TTC7B: variants seen among roughly 807,000 people sequenced by gnomAD.
TTC7B encodes the protein tetratricopeptide repeat protein 7B.
In TTC7B, 28 loss-of-function variants were observed where a neutral mutation model predicts 106.8. That is an observed-to-expected ratio of 0.26 (90% confidence interval 0.19 to 0.36). TTC7B has a LOEUF of 0.36. Among genes scored for constraint, TTC7B ranks in the 10% least tolerant of loss-of-function variants. The pLI is 1.00. For synonymous variants in TTC7B, 405 were observed against 430.6 expected, an observed-to-expected ratio of 0.94 and a Z score of 0.74; for missense variants, 862 against 1,076.4, an observed-to-expected ratio of 0.80 and a Z score of 2.79.
intron 13 of TTC7B, among the ~76,000 whole-genome samples, chr14:90,650,234 G>A (rs113868828): frequency 3.7e-4 from 57 of 152,342 alleles, no homozygotes; most frequent in African/African-American, 1.3e-3. Context: ...GCCAGCAAAT[G>A]AGAGAAAGCC....
intron 6 of TTC7B, among the ~76,000 whole-genome samples, chr14:90,692,210 T>A (rs905722731): frequency 1.3e-5 from 2 of 152,190 alleles, no homozygotes; most frequent in African/African-American, 4.8e-5. Context: ...CATCTGTGGT[T>A]TTTTTTGTTT....
intron 7 of TTC7B, among the ~76,000 whole-genome samples, chr14:90,687,913 A>G (rs974410889): frequency 6.6e-6 from 1 of 152,232 alleles, no homozygotes; most frequent in Non-Finnish European, 1.5e-5. Flanking sequence ...GCAAGGGTCA[A>G]CTTAAGAGGA....
At chr14:90,735,564 A>G (rs1159763695) in intron 4 of TTC7B, among the ~76,000 whole-genome samples, 3 of 148,648 alleles carry the variant, frequency 2.0e-5, no homozygotes, top group African/African-American at 7.5e-5. Context: ...ATCTGAGAAT[A>G]AAACCACCTA....
intron 19 of TTC7B, chr14:90,567,438 G>A (rs945593245): frequency 3.3e-5 from 5 of 152,182 alleles, no homozygotes; most frequent in Non-Finnish European, 7.3e-5. Context: ...AAGCTCAGTG[G>A]ATGCTGCATG....
intron 16 of TTC7B, among the ~76,000 whole-genome samples, chr14:90,612,612 A>G (rs1892919934): frequency 6.6e-6 from 1 of 152,210 alleles, no homozygotes; most frequent in Non-Finnish European, 1.5e-5. Context: ...ACTAATGAGG[A>G]GGTCACTTTG....
At chr14:90,561,400 G>A (rs1566770736) in intron 19 of TTC7B, among the ~76,000 whole-genome samples, 1 of 152,204 alleles carries the variant, frequency 6.6e-6, no homozygotes, top group East Asian at 1.9e-4. Context: ...TGGGCTTGGG[G>A]TCACCCACTG....
chr14:90,687,920 A>G (rs1256080343), intron 7 of TTC7B, among the ~76,000 whole-genome samples: 1 of 152,232 alleles, frequency 6.6e-6, no homozygotes, highest in Admixed American at 6.5e-5. Flanking sequence ...TCAACTTAAG[A>G]GGATTATTAA....
chr14:90,734,561 A>G (rs1009897048), intron 4 of TTC7B, among the ~76,000 whole-genome samples: 10 of 152,144 alleles, frequency 6.6e-5, no homozygotes, highest in African/African-American at 2.4e-4. Context: ...AGTATTATGG[A>G]CAATAAACAC....
Position 90,767,920 on chromosome 14 carries a change from A to G in TTC7B, c.445+12818T>C, listed in dbSNP as rs377537074. 5.9e-5 allele frequency among the ~76,000 whole-genome samples: 9 copies of G among 152,368 alleles called. No individual in the cohort carries two copies. The East Asian group carries it at 1.5e-3, about 26-fold the overall frequency. The stretch of plus-strand genomic sequence containing the variant: ...ATATTAAGTGAAAAGTACAATTATC[A>G]TTTATTGTACTTTTTCAGCTCCAGA... On this transcript the variant is annotated intron_variant, in intron 3 of 19. Transcript: ENST00000328459.
chr14:90,552,679 A>G lies in TTC7B; in HGVS notation c.2311-11090T>C, dbSNP rs988312801. ...TACCTGCAGTGTGGCTCCTGGGGAC[A>G]TGCTGCCTTAAGAAGGGCGTCCTTC... On this transcript the variant is annotated intron_variant, in intron 19 of 19. Coordinates refer to ENST00000328459, the MANE Select transcript of TTC7B (RefSeq NM_001010854.2). Among the ~76,000 whole-genome samples, 4 of 152,222 alleles carry G rather than the reference A, an allele frequency of 2.6e-5. No individual in the cohort carries two copies. In the East Asian group the frequency reaches 7.7e-4, roughly 29 times the overall value.
intron 1 of TTC7B, among the ~76,000 whole-genome samples, chr14:90,797,861 C>T (rs1400960937): frequency 6.6e-6 from 1 of 152,122 alleles, no homozygotes; most frequent in East Asian, 1.9e-4. Context: ...AGTTATGGTG[C>T]ACCCCATGCA....
intron 1 of TTC7B, among the ~76,000 whole-genome samples, chr14:90,793,134 C>T (rs1373769896): frequency 1.3e-5 from 2 of 152,084 alleles, no homozygotes; most frequent in African/African-American, 2.4e-5. Flanking sequence ...TCTTGTTTGC[C>T]GCCTTCTGAA....
intron 17 of TTC7B, among the ~76,000 whole-genome samples, chr14:90,606,091 GCTTTTCAACTGGAAAGGGTTAGGA>G (rs1274996702): frequency 6.6e-6 from 1 of 152,166 alleles, no homozygotes; most frequent in Non-Finnish European, 1.5e-5. Flanking sequence ...GAAGCAATTT[GCTTTTCAACTGGAAAGGGTTAGGA>G]CTTGACTTTA....
At chr14:90,605,620 C>T (rs1892605338) in intron 17 of TTC7B, 33 of 1,286,106 alleles carry the variant, frequency 2.6e-5, no homozygotes, top group Non-Finnish European at 3.1e-5. Flanking sequence ...CCGGCGGGGA[C>T]CTGCGTCACT....
chr14:90,680,406 T>C, intron 8 of TTC7B, 66 bp downstream of exon 8: 1 of 1,190,260 alleles, frequency 8.4e-7, no homozygotes, highest in Non-Finnish European at 1.2e-6. Context: ...ACTGGCAGAA[T>C]GGCTATATCA....
At chr14:90,640,164 A>G (rs1885112837) in intron 15 of TTC7B, among the ~76,000 whole-genome samples, 1 of 152,110 alleles carries the variant, frequency 6.6e-6, no homozygotes, top group African/African-American at 2.4e-5. Context: ...CTGTGCTCCC[A>G]GCTACTCGGG....
At chr14:90,691,961 C>T (rs545560028) in intron 6 of TTC7B, among the ~76,000 whole-genome samples, 2 of 152,184 alleles carry the variant, frequency 1.3e-5, no homozygotes, top group South Asian at 2.1e-4. Context: ...TTAAAGTATG[C>T]GATATGGGTC....
At chr14:90,768,175 A>G (rs1890749703) in intron 3 of TTC7B, among the ~76,000 whole-genome samples, 1 of 152,236 alleles carries the variant, frequency 6.6e-6, no homozygotes, top group South Asian at 2.1e-4. Context: ...GCTGAAAGAA[A>G]CAGACTCTTA....
chr14:90,762,963 A>G (rs1385293484), intron 3 of TTC7B, among the ~76,000 whole-genome samples: 2 of 152,238 alleles, frequency 1.3e-5, no homozygotes, highest in East Asian at 1.9e-4. Context: ...GGTGAACTGT[A>G]CCAAATACTT....
Sources: gnomAD v4.1 joint callset for allele counts (sites outside exome capture counted in the v4.1 genomes callset) on GRCh38, gnomAD v4.1.1 for gene constraint, MANE v1.5 for transcripts, NCBI Gene and HGNC (gene_info 2026-07-23, HGNC 2026-07-21) for gene names.